ARMC8: variants seen among roughly 807,000 people sequenced by gnomAD.
ARMC8 encodes the protein armadillo repeat-containing protein 8.
ARMC8 carries 20 observed loss-of-function variants against 99.3 expected under a neutral mutation model. The observed-to-expected ratio is 0.20, with a 90% CI of 0.14 to 0.29. ARMC8 has a LOEUF of 0.29. ARMC8 is among the 10% of genes least tolerant of loss of function. The pLI is 1.00. For missense variants in ARMC8, 569 were observed against 809.5 expected (o/e 0.70, Z 3.60); for synonymous variants, 263 against 278.3 (o/e 0.95, Z 0.55).
chr3:138,249,001 G>GTT (rs1316449423), intron 12 of ARMC8, among the ~76,000 whole-genome samples: 1 of 152,190 alleles, frequency 6.6e-6, no homozygotes, highest in East Asian at 1.9e-4. Flanking sequence ...GAACTAGAAT[G>GTT]TAAGCTCCAT....
chr3:138,263,331 G>C (rs537060660), intron 12 of ARMC8, among the ~76,000 whole-genome samples: 3 of 152,346 alleles, frequency 2.0e-5, no homozygotes, highest in East Asian at 3.9e-4. Flanking sequence ...CCTAAGCCCA[G>C]ATTTCATTTT....
At chr3:138,282,884 AGATT>A (rs2050072802) in intron 18 of ARMC8, among the ~76,000 whole-genome samples, 2 of 152,194 alleles carry the variant, frequency 1.3e-5, no homozygotes, top group African/African-American at 4.8e-5. Flanking sequence ...AAAAGAGTGC[AGATT>A]ATTATTGATT....
chr3:138,190,406 T>G (rs1192507268), intron 1 of ARMC8, among the ~76,000 whole-genome samples: 1 of 151,406 alleles, frequency 6.6e-6, no homozygotes, highest in Non-Finnish European at 1.5e-5. Context: ...CCTGCCTCAG[T>G]CTCCTGAGTA....
intron 12 of ARMC8, among the ~76,000 whole-genome samples, chr3:138,252,556 C>G (rs1401183532): frequency 6.6e-6 from 1 of 150,672 alleles, no homozygotes; most frequent in Non-Finnish European, 1.5e-5. Flanking sequence ...TGGGTTCAAG[C>G]GATTCTCCTG....
At chr3:138,257,204 A>G (rs946665484) in intron 12 of ARMC8, among the ~76,000 whole-genome samples, 22 of 152,222 alleles carry the variant, frequency 1.4e-4, no homozygotes, top group African/African-American at 5.3e-4. Flanking sequence ...AAGCACTGCA[A>G]CTGCCCTTAC....
intron 12 of ARMC8, chr3:138,262,501 C>T (rs779050902): frequency 1.9e-6 from 3 of 1,588,650 alleles, no homozygotes; most frequent in Non-Finnish European, 2.6e-6. Context: ...GTTTTCCACT[C>T]TCTCATGTTC....
At chr3:138,201,402 C>T (rs2044059636) in intron 1 of ARMC8, among the ~76,000 whole-genome samples, 1 of 135,710 alleles carries the variant, frequency 7.4e-6, no homozygotes, top group Admixed American at 7.8e-5. Flanking sequence ...ATATGTTGTG[C>T]TCTCTACCTA....
chr3:138,248,962 G>A (rs77816606), intron 12 of ARMC8, among the ~76,000 whole-genome samples: 2,243 of 152,254 alleles, frequency 0.015, 59 homozygotes, highest in African/African-American at 0.052. Flanking sequence ...ATTTGAATAC[G>A]TATATTTTAG....
Position 138,295,844 on chromosome 3 carries a change from A to G in ARMC8, c.1989-15A>G, listed in dbSNP as rs779626850. ...AATTCTGAGATGATGGCTAACAGGA[A>G]TTTTGTGATTTCAGGGCAAAGATGG... On this transcript the variant is annotated splice_polypyrimidine_tract_variant and intron_variant, in intron 21 of 21. Transcript: ENST00000469044. 1 of 1,613,436 alleles carries G rather than the reference A, an allele frequency of 6.2e-7. No homozygotes were observed. Among genetic ancestry groups the G allele is most frequent in the Non-Finnish European group, 8.5e-7 (1 of 1,179,634 alleles).
intron 18 of ARMC8, among the ~76,000 whole-genome samples, chr3:138,278,091 A>T (rs2049483155): frequency 6.6e-6 from 1 of 152,248 alleles, no homozygotes; most frequent in Admixed American, 6.5e-5. Flanking sequence ...AAGGTATCCA[A>T]GCCTTAAAGG....
At chr3:138,268,269 G>C (rs1416785071) in intron 15 of ARMC8, among the ~76,000 whole-genome samples, 2 of 152,102 alleles carry the variant, frequency 1.3e-5, no homozygotes, top group East Asian at 3.9e-4. Flanking sequence ...AAAAAAACAA[G>C]ATGGAGGTTC....
rs570896332 is a variant in ARMC8 at position 138,296,879 on chromosome 3, A to T, written c.*987A>T. On this transcript the variant is annotated 3_prime_UTR_variant, in exon 22 of 22. Transcript: ENST00000469044. ...CCTAACTCCTGTCATTGGTATTAGC[A>T]ATATCTGGCCAGATTTAGAACCAGT... is the stretch of plus-strand genomic sequence containing the variant. 1 of 152,196 alleles carries T rather than the reference A, an allele frequency of 6.6e-6. No individual in the cohort carries two copies. The highest frequency in any genetic ancestry group is 1.5e-5 in the Non-Finnish European group (1 of 68,038). 9.4% of individuals were successfully genotyped at this position (152,196 alleles called of 1,614,324 possible).
At chr3:138,295,797 T>C (rs1165990319) in intron 21 of ARMC8, 62 bp from the exon 22 acceptor site, 4 of 1,575,272 alleles carry the variant, frequency 2.5e-6, no homozygotes, top group South Asian at 1.1e-5. Flanking sequence ...CATTGAACCA[T>C]AGGGTTTTTT....
intron 21 of ARMC8, among the ~76,000 whole-genome samples, chr3:138,294,411 T>A (rs778904866): frequency 2.2e-4 from 33 of 152,196 alleles, no homozygotes; most frequent in Non-Finnish European, 4.4e-4. Flanking sequence ...GTGGCATCAT[T>A]CATAAACTTG....
At chr3:138,274,595 G>C (rs1214499947) in intron 18 of ARMC8, 51 bp downstream of exon 18, 21 of 1,397,620 alleles carry the variant, frequency 1.5e-5, no homozygotes, top group Admixed American at 5.1e-5. Context: ...GAGCACAAAG[G>C]AAGTTCTTAA....
chr3:138,277,120 C>A (rs1178037104), intron 18 of ARMC8, among the ~76,000 whole-genome samples: 1 of 152,092 alleles, frequency 6.6e-6, no homozygotes, highest in East Asian at 1.9e-4. Flanking sequence ...CAGAAATAGA[C>A]CCACACATAT....
At chr3:138,246,656 T>C (rs1055198759) in intron 12 of ARMC8, 3 of 985,632 alleles carry the variant, frequency 3.0e-6, no homozygotes, top group Non-Finnish European at 3.6e-6. Context: ...TGGACCACAA[T>C]GGGAAATAGG....
chr3:138,295,873 T>G lies in ARMC8; in HGVS notation c.2003T>G (p.Leu668Arg), dbSNP rs1270853962. The G allele has an allele frequency of 6.2e-7, 1 of 1,613,666 alleles. No individual in the cohort carries two copies. The highest frequency in any genetic ancestry group is 8.5e-7 in the Non-Finnish European group (1 of 1,179,810). Reference sequence around the variant, plus strand: ...TGTGATTTCAGGGCAAAGATGGCACTGCAGCAGTACCTGGCATGATGGGAG... The same window carrying G: ...TGTGATTTCAGGGCAAAGATGGCACGGCAGCAGTACCTGGCATGATGGGAG... ...SNLCDKAKMA[L>R]QQYLA is the part of the protein sequence containing the mutation. Residue 668 changes from leucine to arginine, a missense_variant, in exon 22 of 22, where the codon CTG becomes CGG. This residue lies in a region of ARMC8 where 227 missense variants were observed against 417.9 expected (regional missense o/e 0.54). Transcript: ENST00000469044.
chr3:138,245,720 C>G (rs2046849251), intron 12 of ARMC8: 1 of 991,826 alleles, frequency 1.0e-6, no homozygotes, highest in Non-Finnish European at 1.2e-6. Flanking sequence ...AATTTTCCAG[C>G]TCCCCAGAAA....
Sources: gnomAD v4.1 joint callset for allele counts (sites outside exome capture counted in the v4.1 genomes callset) on GRCh38, gnomAD v4.1.1 for gene constraint, gnomAD v4.1.1 regional missense constraint, MANE v1.5 for transcripts, NCBI Gene and HGNC (gene_info 2026-07-23, HGNC 2026-07-21) for gene names.